SCAPER: variants seen among roughly 807,000 people sequenced by gnomAD.
The protein encoded by SCAPER is S phase cyclin A-associated protein in the endoplasmic reticulum.
A neutral mutation model predicts 182.2 loss-of-function variants in SCAPER; 98 were observed. The observed-to-expected ratio is 0.54, with a 90% CI of 0.46 to 0.64. The LOEUF (loss-of-function observed/expected upper bound fraction) is 0.64, where lower values mean the gene tolerates loss of function less well. SCAPER is among the 30% of genes least tolerant of loss of function. The pLI, the probability that SCAPER is intolerant of heterozygous loss-of-function variation, is 0.00. For synonymous variants in SCAPER, 605 were observed against 564.6 expected (o/e 1.07, Z -1.01); for missense variants, 1,432 against 1,690.0 (o/e 0.85, Z 2.68).
intron 5 of SCAPER, among the ~76,000 whole-genome samples, chr15:76,833,515 T>C (rs1024699940): frequency 6.6e-6 from 1 of 152,174 alleles, no homozygotes; most frequent in Non-Finnish European, 1.5e-5. Context: ...CACATATCAA[T>C]ATTGACCTTG....
chr15:76,828,895 C>G (rs1390225086), intron 5 of SCAPER, among the ~76,000 whole-genome samples: 1 of 152,158 alleles, frequency 6.6e-6, no homozygotes, highest in Non-Finnish European at 1.5e-5. Context: ...ACAGAATTCA[C>G]AGTGAAAAGC....
At chr15:76,548,190 C>A (rs1339428555) in intron 23 of SCAPER, among the ~76,000 whole-genome samples, 1 of 151,818 alleles carries the variant, frequency 6.6e-6, no homozygotes, top group Non-Finnish European at 1.5e-5. Context: ...GAGGCTGAAG[C>A]AAATTAACCT....
At position 76,717,143 on chromosome 15, in the gene SCAPER, A is replaced by C. The variant is rs1270297809; in HGVS notation, c.2166-11159T>G. Among the ~76,000 whole-genome samples, 3 of 628 alleles carry C rather than the reference A, an allele frequency of 4.8e-3. No individual in the cohort carries two copies. In the Non-Finnish European group the frequency reaches 0.054, roughly 11 times the overall value. 0.4% of individuals were successfully genotyped at this position (628 alleles called of 152,430 possible). A position where few individuals can be genotyped will look rare whatever the true frequency, so the allele number is the denominator to read the frequency against. On this transcript the variant is annotated intron_variant, in intron 17 of 31. Coordinates refer to ENST00000563290, the MANE Select transcript of SCAPER (RefSeq NM_020843.4). ...TGACATATTCAAAATGATGAAAGGG[A>C]AAAAAAAAAAAAAAAAACCTGCCGG...
chr15:76,467,441 CTTTT>C (rs11361300), intron 25 of SCAPER, among the ~76,000 whole-genome samples: 3 of 143,622 alleles, frequency 2.1e-5, no homozygotes, highest in Admixed American at 6.9e-5. Flanking sequence ...GTTGGGGTGT[CTTTT>C]TTTTTTTTTT....
chr15:76,587,926 C>CTT (rs377318110), intron 22 of SCAPER, among the ~76,000 whole-genome samples: 2 of 144,414 alleles, frequency 1.4e-5, no homozygotes, highest in African/African-American at 5.0e-5. Context: ...TTTTTCTTTT[C>CTT]TTTTTTTTTT....
At chr15:76,550,724 T>C (rs541734395) in intron 23 of SCAPER, among the ~76,000 whole-genome samples, 1 of 152,250 alleles carries the variant, frequency 6.6e-6, no homozygotes, top group African/African-American at 2.4e-5. Context: ...ATGGGACTGC[T>C]GGGTCAAATG....
chr15:76,426,586 A>G (rs1401180356), intron 26 of SCAPER, among the ~76,000 whole-genome samples: 1 of 152,200 alleles, frequency 6.6e-6, no homozygotes, highest in Admixed American at 6.5e-5. Flanking sequence ...AAATGGAAAA[A>G]TATCCTGTGT....
chr15:76,759,282 CTTTA>C (rs1406232832), intron 14 of SCAPER, among the ~76,000 whole-genome samples: 7 of 152,182 alleles, frequency 4.6e-5, no homozygotes, highest in Middle Eastern at 3.4e-3. Flanking sequence ...AAAAAAAGAA[CTTTA>C]TTTATCGTAT....
chr15:76,681,231 A>C (rs980671893), intron 20 of SCAPER, among the ~76,000 whole-genome samples: 2 of 152,224 alleles, frequency 1.3e-5, no homozygotes, highest in African/African-American at 4.8e-5. Flanking sequence ...CCCTATAAAC[A>C]AAAGGAGAAC....
At chr15:76,813,835 T>A (rs1425790432) in intron 5 of SCAPER, among the ~76,000 whole-genome samples, 3 of 152,146 alleles carry the variant, frequency 2.0e-5, no homozygotes, top group African/African-American at 7.2e-5. Context: ...AACAGAAAGC[T>A]ATTCCATGTT....
At chr15:76,699,859 G>A (rs982707415) in intron 20 of SCAPER, among the ~76,000 whole-genome samples, 6 of 152,210 alleles carry the variant, frequency 3.9e-5, no homozygotes, top group Non-Finnish European at 8.8e-5. Context: ...AACAGTATTC[G>A]CACACTGGTG....
chr15:76,651,622 T>A (rs1597932015), intron 21 of SCAPER, among the ~76,000 whole-genome samples: 1 of 117,568 alleles, frequency 8.5e-6, no homozygotes. Context: ...ACAAAGAACC[T>A]ACCAACCAAA....
chr15:76,613,660 T>C (rs1415189571), intron 22 of SCAPER, among the ~76,000 whole-genome samples: 1 of 152,102 alleles, frequency 6.6e-6, no homozygotes, highest in Non-Finnish European at 1.5e-5. Flanking sequence ...TGAAAAAAAG[T>C]TCCACATCAC....
intron 7 of SCAPER, among the ~76,000 whole-genome samples, chr15:76,798,523 C>A (rs957901836): frequency 4.0e-5 from 6 of 151,522 alleles, no homozygotes; most frequent in Non-Finnish European, 5.9e-5. Context: ...CAAAAACTTC[C>A]CAAATTTGAT....
rs760287532 is a variant in SCAPER, at chr15:76,621,729, T to C, written c.2711+35A>G. The C allele has an allele frequency of 3.9e-6, 6 of 1,538,396 alleles. No homozygotes were observed. The South Asian group carries it at 4.7e-5, about 12-fold the overall frequency. On this transcript the variant is annotated intron_variant, in intron 22 of 31. Transcript: ENST00000563290. ...ATACACTTTTGTTACAGGCATAGAC[T>C]GAAGAAAAGGAGAACTAAAATGTGG...
chr15:76,398,909 T>C (rs1490374160), intron 27 of SCAPER, among the ~76,000 whole-genome samples: 1 of 152,228 alleles, frequency 6.6e-6, no homozygotes, highest in Non-Finnish European at 1.5e-5. Context: ...AGGAATACTG[T>C]AAATGATTAC....
At chr15:76,779,365 A>G (rs879533243) in intron 8 of SCAPER, among the ~76,000 whole-genome samples, 3 of 152,306 alleles carry the variant, frequency 2.0e-5, no homozygotes, top group South Asian at 2.1e-4. Flanking sequence ...AAACAGGAAC[A>G]TTACTACAGA....
intron 23 of SCAPER, among the ~76,000 whole-genome samples, chr15:76,563,352 C>T (rs982073851): frequency 6.6e-6 from 1 of 152,094 alleles, no homozygotes; most frequent in Non-Finnish European, 1.5e-5. Flanking sequence ...TACCACTGAA[C>T]GCACAGAAAT....
At chr15:76,681,545 A>C (rs911945255) in intron 20 of SCAPER, among the ~76,000 whole-genome samples, 3 of 152,160 alleles carry the variant, frequency 2.0e-5, no homozygotes, top group African/African-American at 7.2e-5. Context: ...GTAGACTGTC[A>C]GGGGGAAGCA....
Sources: allele counts gnomAD v4.1 joint callset (sites outside exome capture counted in the v4.1 genomes callset), GRCh38; gene constraint gnomAD v4.1.1; transcripts MANE v1.5; gene names NCBI Gene and HGNC (gene_info 2026-07-23, HGNC 2026-07-21).